The following KIAA0930 variants were observed in gnomAD, a reference collection of about 807,000 sequenced individuals.
KIAA0930 encodes KIAA0930, also known as uncharacterized protein KIAA0930.
In KIAA0930, 24 loss-of-function variants were observed where a neutral mutation model predicts 43.9. The ratio of observed to expected loss-of-function variants is 0.55; its 90% confidence interval spans 0.40 to 0.77. The LOEUF is 0.77. Among genes scored for constraint, KIAA0930 ranks in the 30% least tolerant of loss-of-function variants. The probability of loss-of-function intolerance (pLI) is 0.00; values close to 1 mark genes in which losing one functional copy is unlikely to be tolerated. For missense variants in KIAA0930, 461 were observed against 574.2 expected (o/e 0.80, Z 2.02); for synonymous variants, 259 against 216.4 (o/e 1.20, Z -1.73).
chr22:45,200,111 C>A, intron 7 of KIAA0930, 76 bp from the exon 8 acceptor site: 1 of 1,401,984 alleles, frequency 7.1e-7, no homozygotes, highest in East Asian at 2.7e-5. Context: ...CCTCCTATCC[C>A]ACCCTCAAAC....
rs13053584 is a variant in KIAA0930 at position 45,208,359 on chromosome 22, C to T, written c.217-2447G>A. The stretch of plus-strand genomic sequence containing the variant: ...GAGCTGTGAGAACAGGCAGAACCAC[C>T]GACTCCACATGCACGAGCTGTAAGA... On this transcript the variant is annotated intron_variant, in intron 2 of 9. Coordinates refer to ENST00000336156, the MANE Select transcript of KIAA0930 (RefSeq NM_001009880.2). 1.5e-3 allele frequency among the ~76,000 whole-genome samples: 192 copies of T among 128,364 alleles called. 2 individuals are homozygous for T. The highest frequency in any genetic ancestry group is 2.4e-3 in the East Asian group (9 of 3,712). 84.2% of individuals were successfully genotyped at this position (128,364 alleles called of 152,430 possible).
chr22:45,197,915 C>A lies in KIAA0930; in HGVS notation c.1049G>T (p.Arg350Leu), dbSNP rs748553582. Reference sequence around the variant, plus strand: ...GGACCGTCCTGTGCCCGACAGGGACCGAGACCGCAGGTTGGTTGCATTGTG... The same window carrying A: ...GGACCGTCCTGTGCCCGACAGGGACAGAGACCGCAGGTTGGTTGCATTGTG... ...DLHNATNLRS[R>L]SLSGTGRSLV... The change falls in exon 9 of 10, where the codon CGG becomes CTG. Residue 350 changes from arginine to leucine, a missense_variant. By Grantham distance (102) the Arg-to-Leu change is moderately radical. Coordinates refer to ENST00000336156, the MANE Select transcript of KIAA0930 (RefSeq NM_001009880.2). The A allele has an allele frequency of 6.2e-7, 1 of 1,614,142 alleles. No homozygotes were observed. The highest frequency in any genetic ancestry group is 1.7e-5 in the Admixed American group (1 of 60,020).
At chr22:45,224,282 G>C (rs1182300521) in intron 1 of KIAA0930, among the ~76,000 whole-genome samples, 1 of 152,184 alleles carries the variant, frequency 6.6e-6, no homozygotes, top group African/African-American at 2.4e-5. Context: ...GTTAAGAGTG[G>C]TGCAGTGCAC....
chr22:45,216,817 G>A (rs546357596), intron 1 of KIAA0930, among the ~76,000 whole-genome samples: 1 of 152,214 alleles, frequency 6.6e-6, no homozygotes, highest in Admixed American at 6.5e-5. Context: ...CCCGAAAGCT[G>A]AGCCAGGCTT....
intron 1 of KIAA0930, among the ~76,000 whole-genome samples, chr22:45,233,208 C>T (rs2083865249): frequency 6.6e-6 from 1 of 152,132 alleles, no homozygotes; most frequent in Non-Finnish European, 1.5e-5. Context: ...CCACAGACTC[C>T]AGGGCCCCCC....
intron 1 of KIAA0930, among the ~76,000 whole-genome samples, chr22:45,238,922 C>T (rs1043055381): frequency 6.6e-6 from 1 of 152,010 alleles, no homozygotes; most frequent in African/African-American, 2.4e-5. Flanking sequence ...CTCTTCATCG[C>T]TGATATGGAG....
intron 8 of KIAA0930, among the ~76,000 whole-genome samples, chr22:45,198,678 A>G (rs976798357): frequency 2.0e-5 from 3 of 151,892 alleles, no homozygotes; most frequent in Admixed American, 6.6e-5. Context: ...TTGAGATGGA[A>G]TCTCACTCTT....
rs372889217 is a variant in KIAA0930, at chr22:45,205,722, G to A, written c.337-15C>T. ...ATGTAGTCCAGCTGGAAGAGAGCACGGGTCAGCGTGCAGGGAGGGGTCAGC... is the reference window on the plus strand; with the variant it reads ...ATGTAGTCCAGCTGGAAGAGAGCACAGGTCAGCGTGCAGGGAGGGGTCAGC... On this transcript the variant is annotated splice_polypyrimidine_tract_variant and intron_variant, in intron 3 of 9. Coordinates refer to ENST00000336156, the MANE Select transcript of KIAA0930 (RefSeq NM_001009880.2). 169 of 1,613,908 alleles carry A rather than the reference G, an allele frequency of 1.0e-4. 3 individuals are homozygous for A. In the South Asian group the frequency reaches 1.7e-3, roughly 17 times the overall value.
intron 1 of KIAA0930, among the ~76,000 whole-genome samples, chr22:45,228,415 T>C (rs1442260432): frequency 6.6e-6 from 1 of 152,148 alleles, no homozygotes; most frequent in East Asian, 1.9e-4. Flanking sequence ...CGCTGCCACC[T>C]GTCACAGCAG....
At chr22:45,237,986 T>C (rs2147770257) in intron 1 of KIAA0930, among the ~76,000 whole-genome samples, 1 of 151,914 alleles carries the variant, frequency 6.6e-6, no homozygotes, top group South Asian at 2.1e-4. Context: ...AGTGGCGTGA[T>C]CTCGGCTCAC....
intron 2 of KIAA0930, among the ~76,000 whole-genome samples, chr22:45,208,750 C>G (rs1229814900): frequency 6.6e-6 from 1 of 152,218 alleles, no homozygotes; most frequent in African/African-American, 2.4e-5. Context: ...TGAAAACAAT[C>G]TACTAAAAAG....
intron 5 of KIAA0930, among the ~76,000 whole-genome samples, chr22:45,204,718 A>T (rs1367432833): frequency 7.0e-6 from 1 of 143,682 alleles, no homozygotes; most frequent in African/African-American, 2.5e-5. Context: ...CCGCCCTCCC[A>T]GTGCCCTGTG....
chr22:45,233,654 C>T (rs953275949), intron 1 of KIAA0930, among the ~76,000 whole-genome samples: 6 of 151,938 alleles, frequency 3.9e-5, no homozygotes, highest in East Asian at 3.9e-4. Flanking sequence ...GCTCTCAGGA[C>T]GCTGGGAGGG....
intron 1 of KIAA0930, among the ~76,000 whole-genome samples, chr22:45,225,141 C>T (rs2083790923): frequency 6.6e-6 from 1 of 152,054 alleles, no homozygotes; most frequent in Non-Finnish European, 1.5e-5. Flanking sequence ...GCCTCCGCAC[C>T]CAGGCAGCCA....
intron 1 of KIAA0930, among the ~76,000 whole-genome samples, chr22:45,227,337 C>T (rs1394037950): frequency 2.0e-5 from 3 of 152,194 alleles, no homozygotes; most frequent in Non-Finnish European, 4.4e-5. Context: ...CATTCCTAGC[C>T]CTCCTCTACT....
At chr22:45,217,449 A>G (rs1331686267) in intron 1 of KIAA0930, among the ~76,000 whole-genome samples, 4 of 151,358 alleles carry the variant, frequency 2.6e-5, no homozygotes, top group Non-Finnish European at 5.9e-5. Context: ...ACAACAATCA[A>G]TGTTGAACGA....
chr22:45,220,928 T>A (rs545609773), intron 1 of KIAA0930, among the ~76,000 whole-genome samples: 1 of 144,786 alleles, frequency 6.9e-6, no homozygotes, highest in East Asian at 2.3e-4. Flanking sequence ...CACCTTGTGC[T>A]AAGCGTCCCC....
Position 45,197,802 on chromosome 22 carries a change from G to A in KIAA0930, c.1162C>T (p.Arg388Trp), listed in dbSNP as rs770428427. The change falls in exon 9 of 10, where the codon CGG (arginine) becomes TGG (tryptophan). Residue 388 changes from arginine (R) to tryptophan (W), a missense_variant. Physicochemically the swap from Arg to Trp is moderately radical, Grantham distance 101 (BLOSUM62 -3). Transcript: ENST00000336156. ...HLTYVTLPLH[R>W]ILTDILEVRQ... is the part of the protein sequence containing the mutation. ...CCGCCAGCATTACCTGTTAAAATCC[G>A]ATGCAGCGGCAACGTGACGTAGGTT... The A allele has an allele frequency of 3.5e-5, 56 of 1,614,066 alleles. No homozygotes were observed. Among genetic ancestry groups the A allele is most frequent in the South Asian group, 1.1e-4 (10 of 91,080 alleles).
At chr22:45,205,343 C>A (rs376444599) in intron 4 of KIAA0930, 25 bp from the exon 5 acceptor site, 6 of 1,592,366 alleles carry the variant, frequency 3.8e-6, no homozygotes, top group Non-Finnish European at 5.2e-6. Context: ...ATTTGGAGGA[C>A]AAGTGAGGCC....
Sources: gnomAD v4.1 joint callset for allele counts (sites outside exome capture counted in the v4.1 genomes callset) on GRCh38, gnomAD v4.1.1 for gene constraint, MANE v1.5 for transcripts, NCBI Gene and HGNC (gene_info 2026-07-23, HGNC 2026-07-21) for gene names.